RASSF3: variants seen among roughly 807,000 people sequenced by gnomAD.
The protein encoded by RASSF3 is ras association domain-containing protein 3.
RASSF3 carries 19 observed loss-of-function variants against 19.9 expected under a neutral mutation model. That is an observed-to-expected ratio of 0.96 (90% CI 0.67 to 1.40). The LOEUF is 1.40. RASSF3 is among the 40% of genes most tolerant of loss of function. The pLI is 0.00. For synonymous variants in RASSF3, 110 were observed against 104.2 expected, an observed-to-expected ratio of 1.06 and a Z score of -0.34; for missense variants, 306 against 289.8, an observed-to-expected ratio of 1.06 and a Z score of -0.41.
intron 2 of RASSF3, among the ~76,000 whole-genome samples, chr12:64,563,547 T>G (rs1387000418): frequency 2.6e-5 from 4 of 152,184 alleles, no homozygotes; most frequent in Non-Finnish European, 5.9e-5. Context: ...TCCACATGCT[T>G]TACCAAGCCT....
rs989795874 is a variant in RASSF3 at position 64,674,970 on chromosome 12, C to T, written c.112-9817C>T. Among the ~76,000 whole-genome samples the T allele has an allele frequency of 2.0e-5, 3 of 150,048 alleles. No individual in the cohort carries two copies. The Admixed American group carries it at 2.0e-4, about 10-fold the overall frequency. ...ATGTTTAAGGAAGGCTAGTATAGTA[C>T]TCCAGCCTTGTAAGGTTGCCGCTTC... On this transcript the variant is annotated intron_variant, in intron 1 of 4. Transcript: ENST00000542104.
At chr12:64,672,138 CAT>C (rs1458743113) in intron 1 of RASSF3, among the ~76,000 whole-genome samples, 3 of 151,586 alleles carry the variant, frequency 2.0e-5, no homozygotes, top group African/African-American at 7.3e-5. Context: ...ATATAATAAT[CAT>C]ATCAGAGTAA....
intron 1 of RASSF3, among the ~76,000 whole-genome samples, chr12:64,631,791 T>C (rs1471567187): frequency 6.6e-6 from 1 of 152,010 alleles, no homozygotes; most frequent in African/African-American, 2.4e-5. Flanking sequence ...GCTGGTCTCG[T>C]CTCAACCTCC....
At chr12:64,687,829 T>C (rs985700884) in intron 2 of RASSF3, among the ~76,000 whole-genome samples, 1 of 152,202 alleles carries the variant, frequency 6.6e-6, no homozygotes, top group South Asian at 2.1e-4. Context: ...TTTGAGCCTG[T>C]AGCCTAGACA....
chr12:64,666,040 C>T (rs1872531986), intron 1 of RASSF3, among the ~76,000 whole-genome samples: 1 of 152,230 alleles, frequency 6.6e-6, no homozygotes, highest in South Asian at 2.1e-4. Context: ...CTTAGTGAGA[C>T]TGAGATTTAG....
intron 1 of RASSF3, among the ~76,000 whole-genome samples, chr12:64,670,746 C>A (rs910842553): frequency 6.6e-6 from 1 of 152,192 alleles, no homozygotes; most frequent in African/African-American, 2.4e-5. Flanking sequence ...TGTGCTAGTA[C>A]CCCACCCTCC....
At chr12:64,546,527 C>T (rs944103192), downstream of RASSF3, among the ~76,000 whole-genome samples, 1 of 152,214 alleles carries the variant, frequency 6.6e-6, no homozygotes, top group East Asian at 1.9e-4. Context: ...GCCTAGGCCC[C>T]CCAAAGTGCT....
chr12:64,644,740 T>G (rs969571843), intron 1 of RASSF3, among the ~76,000 whole-genome samples: 4 of 77,860 alleles, frequency 5.1e-5, no homozygotes, highest in Non-Finnish European at 1.2e-4. Flanking sequence ...TGTATATGTA[T>G]ATGTGTGGTT....
chr12:64,668,038 C>G (rs1872581118), intron 1 of RASSF3, among the ~76,000 whole-genome samples: 2 of 152,184 alleles, frequency 1.3e-5, no homozygotes, highest in Non-Finnish European at 2.9e-5. Flanking sequence ...ATGGGGTTGG[C>G]CAGGCCTTGT....
At chr12:64,545,641 C>A (rs1001678795), downstream of RASSF3, among the ~76,000 whole-genome samples, 11 of 152,100 alleles carry the variant, frequency 7.2e-5, no homozygotes, top group African/African-American at 2.7e-4. Flanking sequence ...AAGAAAGCTC[C>A]TCTTGGCGGG....
At chr12:64,691,634 A>G in intron 4 of RASSF3, 55 bp downstream of exon 4, 1 of 814,772 alleles carries the variant, frequency 1.2e-6, no homozygotes, top group South Asian at 1.5e-5. Context: ...GCCCTATTTT[A>G]TTGCAGTAGC....
chr12:64,591,277 C>A (rs1212494850), intron 2 of RASSF3, among the ~76,000 whole-genome samples: 1 of 152,062 alleles, frequency 6.6e-6, no homozygotes, highest in Admixed American at 6.6e-5. Flanking sequence ...GAGTTTGAGA[C>A]CAGTCTGGCC....
At chr12:64,544,114 G>T (rs1869006925), downstream of RASSF3, among the ~76,000 whole-genome samples, 1 of 152,136 alleles carries the variant, frequency 6.6e-6, no homozygotes, top group South Asian at 2.1e-4. Flanking sequence ...TTAGGTGTTT[G>T]CAATAAATCC....
chr12:64,571,448 C>T (rs960191224), intron 2 of RASSF3, among the ~76,000 whole-genome samples: 1 of 152,106 alleles, frequency 6.6e-6, no homozygotes, highest in African/African-American at 2.4e-5. Context: ...AATCAGGAAG[C>T]CTTGTTATGA....
At chr12:64,625,163 A>C (rs1270049566) in intron 1 of RASSF3, among the ~76,000 whole-genome samples, 2 of 152,130 alleles carry the variant, frequency 1.3e-5, no homozygotes, top group Non-Finnish European at 2.9e-5. Flanking sequence ...ATGAATTGGG[A>C]ATCTCAATGT....
At chr12:64,667,357 C>T (rs1245184) in intron 1 of RASSF3, among the ~76,000 whole-genome samples, 43,370 of 151,802 alleles carry the variant, frequency 0.29, 6,731 homozygotes, top group Non-Finnish European at 0.36. Flanking sequence ...GACAGAGTCT[C>T]GCTCTGTCAC....
At chr12:64,637,217 G>A (rs565326729) in intron 1 of RASSF3, among the ~76,000 whole-genome samples, 81 of 152,300 alleles carry the variant, frequency 5.3e-4, no homozygotes, top group African/African-American at 1.9e-3. Context: ...ATAGAAAAGG[G>A]CATACCTCCT....
chr12:64,680,000 T>G (rs1244181927), intron 1 of RASSF3, among the ~76,000 whole-genome samples: 1 of 152,144 alleles, frequency 6.6e-6, no homozygotes, highest in Non-Finnish European at 1.5e-5. Flanking sequence ...CTATTCCACG[T>G]CCGCTGCACC....
intron 1 of RASSF3, among the ~76,000 whole-genome samples, chr12:64,641,414 A>ACACACACACACACACGCGCGCGCGCG: frequency 2.1e-4 from 30 of 142,178 alleles, no homozygotes; most frequent in African/African-American, 8.1e-4. Flanking sequence ...ACACACACAC[A>ACACACACACACACACGCGCGCGCGCG]CGCGCGCGCG....
Sources: allele counts gnomAD v4.1 joint callset (sites outside exome capture counted in the v4.1 genomes callset), GRCh38; gene constraint gnomAD v4.1.1; transcripts MANE v1.5; gene names NCBI Gene and HGNC (gene_info 2026-07-23, HGNC 2026-07-21).